Variants in MAGI2 observed in about 807,000 individuals in gnomAD.
MAGI2 encodes the protein membrane associated guanylate kinase, WW and PDZ domain containing 2.
MAGI2 carries 35 observed loss-of-function variants against 133.3 expected under a neutral mutation model. That is an observed-to-expected ratio of 0.26 (90% CI 0.20 to 0.35). MAGI2 has a LOEUF of 0.35. Among genes scored for constraint, MAGI2 ranks in the 10% least tolerant of loss-of-function variants. The probability of loss-of-function intolerance (pLI) is 1.00; values close to 1 mark genes in which losing one functional copy is unlikely to be tolerated. For synonymous variants in MAGI2, 729 were observed against 710.6 expected (o/e 1.03, Z -0.41); for missense variants, 1,636 against 1,863.4 (o/e 0.88, Z 2.25).
intron 9 of MAGI2, among the ~76,000 whole-genome samples, chr7:78,284,620 A>G (rs929507141): frequency 6.6e-6 from 1 of 152,030 alleles, no homozygotes; most frequent in African/African-American, 2.4e-5. Flanking sequence ...CCAAGCAAAA[A>G]GGAATAATAT....
chr7:78,748,602 A>G (rs1823151184), intron 2 of MAGI2, among the ~76,000 whole-genome samples: 1 of 152,214 alleles, frequency 6.6e-6, no homozygotes, highest in South Asian at 2.1e-4. Flanking sequence ...TAATTAAATT[A>G]CAAACCATTT....
intron 6 of MAGI2, among the ~76,000 whole-genome samples, chr7:78,387,649 G>A (rs1041864370): frequency 2.0e-5 from 3 of 152,102 alleles, no homozygotes; most frequent in Non-Finnish European, 4.4e-5. Flanking sequence ...AAAATAGACC[G>A]GATGTAGTGT....
At chr7:79,450,906 T>C (rs1849194359) in intron 1 of MAGI2, among the ~76,000 whole-genome samples, 1 of 152,176 alleles carries the variant, frequency 6.6e-6, no homozygotes, top group Non-Finnish European at 1.5e-5. Context: ...AGCTGCTTCA[T>C]CCTTTCAAAT....
intron 2 of MAGI2, among the ~76,000 whole-genome samples, chr7:78,978,441 G>T (rs1056476524): frequency 6.6e-6 from 1 of 151,824 alleles, no homozygotes; most frequent in Non-Finnish European, 1.5e-5. Context: ...ACATGATTCT[G>T]TTTCAATAAC....
intron 1 of MAGI2, among the ~76,000 whole-genome samples, chr7:79,309,707 C>A (rs1585518473): frequency 2.0e-5 from 3 of 151,916 alleles, no homozygotes; most frequent in Admixed American, 6.6e-5. Context: ...CTTATCAGAT[C>A]TTTCATCGTT....
intron 1 of MAGI2, among the ~76,000 whole-genome samples, chr7:79,421,066 AG>A (rs1846923611): frequency 6.6e-6 from 1 of 152,054 alleles, no homozygotes; most frequent in Non-Finnish European, 1.5e-5. Flanking sequence ...TAACAACACC[AG>A]ATAGAACAAC....
chr7:78,989,306 T>G (rs1473128777), intron 2 of MAGI2, among the ~76,000 whole-genome samples: 3 of 152,062 alleles, frequency 2.0e-5, no homozygotes, highest in Non-Finnish European at 2.9e-5. Context: ...CAGAAATATT[T>G]TGGATTGTAA....
At chr7:78,621,790 G>A (rs571825860) in intron 3 of MAGI2, among the ~76,000 whole-genome samples, 2 of 152,070 alleles carry the variant, frequency 1.3e-5, no homozygotes, top group South Asian at 2.1e-4. Flanking sequence ...TACAAATCAG[G>A]ACAATCTATC....
chr7:78,534,854 G>A (rs894753021), intron 3 of MAGI2, among the ~76,000 whole-genome samples: 2 of 152,176 alleles, frequency 1.3e-5, no homozygotes, highest in East Asian at 3.9e-4. Context: ...AATGAGTAAG[G>A]CCAGGTGCAG....
rs551768667 is a variant in MAGI2, at chr7:78,336,898, G to A, written c.1408+6880C>T. ...ATAAAATGGATAAATACTAAAGGAA[G>A]GCAAATAAAAATGAACGGGTTATGA... On this transcript the variant is annotated intron_variant, in intron 9 of 21. Transcript: ENST00000354212. 6.0e-4 allele frequency among the ~76,000 whole-genome samples: 92 copies of A among 152,242 alleles called. 2 individuals carry two copies. Among genetic ancestry groups the A allele is most frequent in the Non-Finnish European group, 3.1e-4 (21 of 68,014 alleles).
intron 1 of MAGI2, among the ~76,000 whole-genome samples, chr7:79,448,906 A>G (rs1849044476): frequency 6.6e-6 from 1 of 152,162 alleles, no homozygotes; most frequent in Non-Finnish European, 1.5e-5. Context: ...TACCATTTAA[A>G]TTATCTACAT....
intron 2 of MAGI2, among the ~76,000 whole-genome samples, chr7:78,760,239 C>T (rs930942582): frequency 5.9e-5 from 9 of 152,154 alleles, no homozygotes; most frequent in Non-Finnish European, 1.3e-4. Context: ...TTTAAGGCTA[C>T]ATTGTCAGCT....
At chr7:78,647,242 C>G (rs1056898853) in intron 2 of MAGI2, among the ~76,000 whole-genome samples, 3 of 152,084 alleles carry the variant, frequency 2.0e-5, no homozygotes, top group Non-Finnish European at 4.4e-5. Context: ...TTTTTGCAAT[C>G]TAAACATCTG....
At chr7:79,278,535 ATT>A (rs991288307) in intron 1 of MAGI2, among the ~76,000 whole-genome samples, 3 of 152,118 alleles carry the variant, frequency 2.0e-5, no homozygotes, top group African/African-American at 7.2e-5. Flanking sequence ...ATATTGTGAT[ATT>A]GTTTCCCCTT....
chr7:79,346,082 C>A (rs1841290391), intron 1 of MAGI2, among the ~76,000 whole-genome samples: 1 of 151,934 alleles, frequency 6.6e-6, no homozygotes, highest in South Asian at 2.1e-4. Context: ...ATGGGATGAA[C>A]AAAAGAATCC....
At chr7:78,523,313 A>G (rs1796668732) in intron 3 of MAGI2, among the ~76,000 whole-genome samples, 1 of 151,960 alleles carries the variant, frequency 6.6e-6, no homozygotes, top group African/African-American at 2.4e-5. Context: ...TGTGCTATAT[A>G]AATATATAAG....
intron 21 of MAGI2, among the ~76,000 whole-genome samples, chr7:78,032,898 G>A (rs1809738558): frequency 6.6e-6 from 1 of 152,128 alleles, no homozygotes; most frequent in Non-Finnish European, 1.5e-5. Context: ...AATGACAAGA[G>A]GACTGGGAGG....
At chr7:79,039,838 TTA>T (rs1491161916) in intron 1 of MAGI2, among the ~76,000 whole-genome samples, 2 of 146,062 alleles carry the variant, frequency 1.4e-5, no homozygotes, top group Non-Finnish European at 3.0e-5. Context: ...ATTGTATATA[TTA>T]TATATACATA....
rs573344320 is a variant in MAGI2 at position 78,547,657 on chromosome 7, A to G, written c.539-26012T>C. 2.0e-5 allele frequency among the ~76,000 whole-genome samples: 3 copies of G among 152,330 alleles called. No individual in the cohort carries two copies. In the South Asian group the frequency reaches 6.2e-4, roughly 32 times the overall value. The stretch of plus-strand genomic sequence containing the variant: ...CCATTCTATCACAAGGCACGCGCGC[A>G]CACACACACTCACTCAGATTACGAC... On this transcript the variant is annotated intron_variant, in intron 3 of 21. Coordinates refer to ENST00000354212, the MANE Select transcript of MAGI2 (RefSeq NM_012301.4).
Sources: allele counts gnomAD v4.1 joint callset (sites outside exome capture counted in the v4.1 genomes callset), GRCh38; gene constraint gnomAD v4.1.1; transcripts MANE v1.5; gene names NCBI Gene and HGNC (gene_info 2026-07-23, HGNC 2026-07-21).